Variants in ACLY observed in about 807,000 individuals in gnomAD.
The protein encoded by ACLY is ATP citrate lyase, also known as ATP-citrate synthase.
ACLY carries 41 observed loss-of-function variants against 133.0 expected under a neutral mutation model. The observed-to-expected ratio is 0.31, with a 90% CI of 0.24 to 0.40. The LOEUF (loss-of-function observed/expected upper bound fraction) is 0.40. Among genes scored for constraint, ACLY ranks in the 10% least tolerant of loss-of-function variants. The pLI is 1.00. For synonymous variants in ACLY, 495 were observed against 549.3 expected, an observed-to-expected ratio of 0.90 and a Z score of 1.38; for missense variants, 1,046 against 1,453.8, an observed-to-expected ratio of 0.72 and a Z score of 4.56.
intron 14 of ACLY, 80 bp downstream of exon 14, chr17:41,896,540 G>A (rs1395281295): frequency 3.0e-6 from 4 of 1,322,182 alleles, no homozygotes; most frequent in African/African-American, 3.0e-5. Flanking sequence ...ACCAGGGGAG[G>A]GGGAAACAGA....
Position 41,894,303 on chromosome 17 carries a change from G to A in ACLY, c.1460-1129C>T, listed in dbSNP as rs543495340. Among the ~76,000 whole-genome samples, 17 of 147,914 alleles carry A rather than the reference G, an allele frequency of 1.1e-4. No homozygotes were observed. The South Asian group carries it at 3.6e-3, about 31-fold the overall frequency. On this transcript the variant is annotated intron_variant, in intron 14 of 28. Transcript: ENST00000352035. ...ACCAACACACAATCACTTGAACCAA[G>A]GAGGCAGAGGTTGCGGCGAGCCAAG...
chr17:41,894,867 C>G (rs8076301), intron 14 of ACLY, among the ~76,000 whole-genome samples: 143,050 of 152,170 alleles, frequency 0.94, 67,290 homozygotes, highest in East Asian at 1. Flanking sequence ...AGTGGCATCT[C>G]GTATTAATTA....
At chr17:41,893,819 C>A (rs1012642874) in intron 14 of ACLY, among the ~76,000 whole-genome samples, 3 of 152,224 alleles carry the variant, frequency 2.0e-5, no homozygotes, top group Non-Finnish European at 2.9e-5. Context: ...CCAGTGCCCT[C>A]AACCTGCTCT....
At position 41,867,775 on chromosome 17, in the gene ACLY, GTCTTCAGTT is replaced by G; in HGVS notation, c.*26_*34del. 1 of 1,531,958 alleles carries G rather than the reference GTCTTCAGTT, an allele frequency of 6.5e-7. No individual in the cohort carries two copies. The highest frequency in any genetic ancestry group is 9.0e-7 in the Non-Finnish European group (1 of 1,116,248). The allele number at this position is 1,531,958 out of a possible 1,614,324, so 94.9% of individuals were successfully genotyped here. ...ACTTTTTCTTGGGGGAAGAGATCTTGTCTTCAGTTTACTGCAGTAGGGTTCCTGGCTCTG... is the reference window on the plus strand; with the variant it reads ...ACTTTTTCTTGGGGGAAGAGATCTTGTACTGCAGTAGGGTTCCTGGCTCTG... On this transcript the variant is annotated 3_prime_UTR_variant, in exon 29 of 29. Transcript: ENST00000352035.
chr17:41,926,043 C>T (rs552009593), intron 1 of ACLY, among the ~76,000 whole-genome samples: 1 of 152,128 alleles, frequency 6.6e-6, no homozygotes, highest in East Asian at 1.9e-4. Context: ...TGGGGCTTCA[C>T]CATGTTGGCC....
chr17:41,903,603 A>C (rs1194172517), intron 10 of ACLY, among the ~76,000 whole-genome samples: 13 of 151,804 alleles, frequency 8.6e-5, no homozygotes, highest in Non-Finnish European at 1.8e-4. Flanking sequence ...AAATACAAAA[A>C]AAATTAGCCG....
rs560139944 is a variant in ACLY at position 41,912,621 on chromosome 17, A to G, written c.160-79T>C. ...TATTTTGGGGATCCAAATAGAGGAC[A>G]GCAGGGATTGACTTCCCATTCACTC... On this transcript the variant is annotated intron_variant, in intron 2 of 28. Transcript: ENST00000352035. 8 of 1,558,768 alleles carry G rather than the reference A, an allele frequency of 5.1e-6. No individual in the cohort carries two copies. In the African/African-American group the frequency reaches 8.1e-5, roughly 16 times the overall value.
At chr17:41,900,069 CAA>C (rs60296550) in intron 11 of ACLY, among the ~76,000 whole-genome samples, 23 of 46,632 alleles carry the variant, frequency 4.9e-4, no homozygotes, top group African/African-American at 1.3e-3. Flanking sequence ...ACCCTGTCTC[CAA>C]AAAAAAAAAA....
At chr17:41,907,882 C>A (rs1174493434) in intron 6 of ACLY, among the ~76,000 whole-genome samples, 6 of 152,108 alleles carry the variant, frequency 3.9e-5, no homozygotes, top group African/African-American at 1.4e-4. Flanking sequence ...GAGTATCTAA[C>A]CATGCGCAAA....
chr17:41,906,838 A>T (rs548788141), intron 7 of ACLY, among the ~76,000 whole-genome samples, 192 bp from the exon 8 acceptor site: 1 of 152,208 alleles, frequency 6.6e-6, no homozygotes, highest in Non-Finnish European at 1.5e-5. Flanking sequence ...AAACACCCAT[A>T]GTCACAGTCA....
chr17:41,918,923 G>T lies in ACLY; in HGVS notation c.-67C>A. Reference sequence around the variant, plus strand: ...GCGGCGCTTCTTCCACAGGCCCGACGAACCCCGCAAAATCCGGAGCACCCC... The same window carrying T: ...GCGGCGCTTCTTCCACAGGCCCGACTAACCCCGCAAAATCCGGAGCACCCC... On this transcript the variant is annotated 5_prime_UTR_variant, in exon 1 of 29. Transcript: ENST00000352035. 1 of 1,289,110 alleles carries T rather than the reference G, an allele frequency of 7.8e-7. No homozygotes were observed. The allele number at this position is 1,289,110 out of a possible 1,614,324, so 79.9% of individuals were successfully genotyped here.
intron 22 of ACLY, among the ~76,000 whole-genome samples, chr17:41,875,625 G>C (rs1555625962): frequency 6.6e-6 from 1 of 152,172 alleles, no homozygotes; most frequent in Non-Finnish European, 1.5e-5. Flanking sequence ...TATTTTTTTG[G>C]TGGAGACGGG....
At chr17:41,908,846 C>T (rs1277733784) in intron 6 of ACLY, 143 bp downstream of exon 6, 10 of 686,498 alleles carry the variant, frequency 1.5e-5, no homozygotes, top group Non-Finnish European at 2.4e-5. Flanking sequence ...TGGCACTAAA[C>T]CTGCATGGGG....
At chr17:41,896,389 A>G (rs35896706) in intron 14 of ACLY, among the ~76,000 whole-genome samples, 23,525 of 152,112 alleles carry the variant, frequency 0.15, 1,954 homozygotes, top group East Asian at 0.18. Context: ...TTGGAGCCAG[A>G]AACAGCCACA....
chr17:41,905,913 G>T (rs1305734557), intron 8 of ACLY, among the ~76,000 whole-genome samples: 1 of 152,200 alleles, frequency 6.6e-6, no homozygotes, highest in African/African-American at 2.4e-5. Context: ...CAGGTAAAAT[G>T]AACAATGAGC....
chr17:41,877,125 G>A (rs1241055391), intron 22 of ACLY, among the ~76,000 whole-genome samples: 1 of 151,126 alleles, frequency 6.6e-6, no homozygotes, highest in Admixed American at 6.6e-5. Context: ...ACATGAATAT[G>A]TTCTCTATCT....
At chr17:41,919,380 T>A (rs1243261730), upstream of ACLY, among the ~76,000 whole-genome samples, 2 of 152,208 alleles carry the variant, frequency 1.3e-5, no homozygotes, top group African/African-American at 4.8e-5. Flanking sequence ...GCTCCTTCCC[T>A]TGGGAGAAAC....
At chr17:41,905,891 G>C (rs578099075) in intron 8 of ACLY, among the ~76,000 whole-genome samples, 60 of 152,338 alleles carry the variant, frequency 3.9e-4, no homozygotes, top group African/African-American at 1.4e-3. Flanking sequence ...GGGAGCCCTG[G>C]ACAGACAATG....
intron 19 of ACLY, 85 bp downstream of exon 19, chr17:41,884,108 G>A (rs2048990198): frequency 3.6e-6 from 3 of 835,458 alleles, no homozygotes; most frequent in Non-Finnish European, 5.9e-6. Context: ...TAAGTTACAT[G>A]TAACCAAAAT....
Sources: allele counts gnomAD v4.1 joint callset (sites outside exome capture counted in the v4.1 genomes callset), GRCh38; gene constraint gnomAD v4.1.1; transcripts MANE v1.5; gene names NCBI Gene and HGNC (gene_info 2026-07-23, HGNC 2026-07-21).